GABPB2: variants seen among roughly 807,000 people sequenced by gnomAD.
GABPB2 encodes GA-binding protein subunit beta-2.
In GABPB2, 23 loss-of-function variants were observed where a neutral mutation model predicts 39.1. That is an observed-to-expected ratio of 0.59 (90% CI 0.42 to 0.83). The LOEUF is 0.83. Ranked by LOEUF, GABPB2 falls within the 40% of genes least tolerant of loss-of-function variation. The probability of loss-of-function intolerance (pLI) is 0.00; values close to 1 mark genes in which losing one functional copy is unlikely to be tolerated. For synonymous variants in GABPB2, 184 were observed against 199.3 expected, an observed-to-expected ratio of 0.92 and a Z score of 0.65; for missense variants, 467 against 541.1, an observed-to-expected ratio of 0.86 and a Z score of 1.36.
At chr1:151,109,651 AC>A (rs1680253561) in intron 7 of GABPB2, among the ~76,000 whole-genome samples, 1 of 150,232 alleles carries the variant, frequency 6.7e-6, no homozygotes. Flanking sequence ...GAGCCACCAC[AC>A]CCGGCCTATA....
intron 4 of GABPB2, among the ~76,000 whole-genome samples, chr1:151,097,579 C>T (rs114434942): frequency 6.6e-6 from 1 of 151,972 alleles, no homozygotes; most frequent in African/African-American, 2.4e-5. Flanking sequence ...CCCACAAGTT[C>T]TAGACCAACT....
At position 151,118,071 on chromosome 1, in the gene GABPB2, AAGCTGGAGGCCAT is replaced by A; in HGVS notation, c.1166_1178del (p.Leu389ProfsTer19). ...GCAGGAAGCAGAACAGTACCGTCTT[AAGCTGGAGGCCAT>A]AGCCCGACAGCAGCCCAATGGAGTT... On this transcript the variant is annotated frameshift_variant, in exon 9 of 9. Transcript: ENST00000368918. LOFTEE classifies it low-confidence loss of function (END_TRUNC). The A allele has an allele frequency of 6.2e-7, 1 of 1,614,200 alleles. No homozygotes were observed. The highest frequency in any genetic ancestry group is 8.5e-7 in the Non-Finnish European group (1 of 1,180,042).
At chr1:151,086,646 T>C (rs1558132847) in intron 1 of GABPB2, among the ~76,000 whole-genome samples, 1 of 150,160 alleles carries the variant, frequency 6.7e-6, no homozygotes, top group Non-Finnish European at 1.5e-5. Flanking sequence ...AGATCAGTGT[T>C]TAATCAGTGA....
intron 6 of GABPB2, among the ~76,000 whole-genome samples, chr1:151,104,280 G>A (rs922639211): frequency 2.0e-5 from 3 of 152,164 alleles, no homozygotes; most frequent in Non-Finnish European, 4.4e-5. Flanking sequence ...ATAGGCAGGG[G>A]CATATAGTCA....
In GABPB2 at chr1:151,113,794, A is replaced by C. The variant is rs988137356; in HGVS notation, c.923-3598A>C. On this transcript the variant is annotated intron_variant, in intron 7 of 8. Coordinates refer to ENST00000368918, the MANE Select transcript of GABPB2 (RefSeq NM_144618.3). ...TGGCCTCCCAAAGTGCTGGGATTAC[A>C]GGCATGAGCCACCGTGCCCATCCTC... Among the ~76,000 whole-genome samples the C allele has an allele frequency of 2.6e-5, 4 of 152,288 alleles. No homozygotes were observed. The East Asian group carries it at 7.7e-4, about 29-fold the overall frequency.
intron 7 of GABPB2, among the ~76,000 whole-genome samples, chr1:151,113,305 A>G (rs1207465838): frequency 6.6e-6 from 1 of 151,834 alleles, no homozygotes; most frequent in Non-Finnish European, 1.5e-5. Flanking sequence ...TGTCTCTACT[A>G]AAAATACAAA....
intron 4 of GABPB2, among the ~76,000 whole-genome samples, chr1:151,096,994 C>G (rs1035240896): frequency 6.6e-6 from 1 of 152,128 alleles, no homozygotes; most frequent in Non-Finnish European, 1.5e-5. Flanking sequence ...TTACCGCAAT[C>G]TTGGCCTCCT....
chr1:151,109,931 C>A (rs965680960), intron 7 of GABPB2, among the ~76,000 whole-genome samples: 10 of 148,288 alleles, frequency 6.7e-5, no homozygotes, highest in African/African-American at 2.0e-4. Context: ...CTCCGCCTTC[C>A]GGGTTCAAGT....
intron 1 of GABPB2, among the ~76,000 whole-genome samples, chr1:151,075,733 C>CA (rs1386315950): frequency 1.3e-5 from 2 of 151,500 alleles, no homozygotes; most frequent in Admixed American, 6.6e-5. Flanking sequence ...CAAAAAAACC[C>CA]AAAAAAACAC....
chr1:151,099,337 A>G (rs1679343632), intron 5 of GABPB2, among the ~76,000 whole-genome samples: 2 of 151,876 alleles, frequency 1.3e-5, no homozygotes, highest in East Asian at 3.9e-4. Flanking sequence ...AGCTGGGACT[A>G]CAGGCATGTG....
Position 151,124,074 on chromosome 1 carries a change from C to A in GABPB2, c.*5818C>A. ...AGAAAAAAAAAAAAAAAAAAGAGGC[C>A]GGGCGCGGTGGCTCACAAAAAAAAA... is the stretch of plus-strand genomic sequence containing the variant. On this transcript the variant is annotated 3_prime_UTR_variant, in exon 9 of 9. Coordinates refer to ENST00000368918, the MANE Select transcript of GABPB2 (RefSeq NM_144618.3). The A allele has an allele frequency of 9.1e-6, 1 of 109,334 alleles. No individual in the cohort carries two copies. Among genetic ancestry groups the A allele is most frequent in the African/African-American group, 3.3e-5 (1 of 30,036 alleles). The allele number at this position is 109,334 out of a possible 1,614,324, so 6.8% of individuals were successfully genotyped here.
rs766825782 is a variant in GABPB2, at chr1:151,117,993, C to T, written c.1084C>T (p.Gln362Ter). The change falls in exon 9 of 9, where the codon CAG becomes TAG. Residue 362 changes from glutamine to a stop codon, truncating the protein, a stop_gained. Coordinates refer to ENST00000368918, the MANE Select transcript of GABPB2 (RefSeq NM_144618.3). LOFTEE classifies it high-confidence loss of function. The part of the protein sequence containing the change: ...NERELLQQQL[Q>*]EANRRAQEYR... ...AAGAGAGCTACTACAGCAACAACTC[C>T]AGGAGGCCAATCGAAGAGCCCAGGA... The T allele has an allele frequency of 6.2e-7, 1 of 1,613,918 alleles. No homozygotes were observed. Among genetic ancestry groups the T allele is most frequent in the Non-Finnish European group, 8.5e-7 (1 of 1,179,886 alleles).
At chr1:151,071,491 C>T (rs1676717619) in intron 1 of GABPB2, among the ~76,000 whole-genome samples, 1 of 124,082 alleles carries the variant, frequency 8.1e-6, no homozygotes, top group Non-Finnish European at 1.6e-5. Flanking sequence ...CTTGCTCTGT[C>T]ACCCAGGCTG....
intron 7 of GABPB2, among the ~76,000 whole-genome samples, chr1:151,109,143 A>G (rs1680188397): frequency 6.6e-6 from 1 of 151,976 alleles, no homozygotes; most frequent in Non-Finnish European, 1.5e-5. Context: ...GTATGCTACC[A>G]TAATCATGCC....
intron 1 of GABPB2, among the ~76,000 whole-genome samples, chr1:151,071,549 A>G (rs1419069250): frequency 7.1e-6 from 1 of 140,966 alleles, no homozygotes; most frequent in African/African-American, 2.7e-5. Flanking sequence ...AGCTCACTGC[A>G]ACCTCCGCTT....
intron 1 of GABPB2, among the ~76,000 whole-genome samples, chr1:151,084,893 T>C (rs2101467298): frequency 6.6e-6 from 1 of 152,072 alleles, no homozygotes; most frequent in Non-Finnish European, 1.5e-5. Context: ...CTATTCATCA[T>C]TCCTTCATAT....
chr1:151,083,670 T>C (rs1677914482), intron 1 of GABPB2, among the ~76,000 whole-genome samples: 1 of 151,164 alleles, frequency 6.6e-6, no homozygotes, highest in Non-Finnish European at 1.5e-5. Flanking sequence ...TATATATATA[T>C]GTATATATAC....
chr1:151,080,155 C>A (rs1401889389), intron 1 of GABPB2, among the ~76,000 whole-genome samples: 1 of 137,666 alleles, frequency 7.3e-6, no homozygotes, highest in African/African-American at 2.6e-5. Context: ...GCAGAGGTTG[C>A]GGTGAGCCAA....
intron 1 of GABPB2, among the ~76,000 whole-genome samples, chr1:151,081,576 A>G (rs926714170): frequency 6.6e-6 from 1 of 152,046 alleles, no homozygotes; most frequent in African/African-American, 2.4e-5. Flanking sequence ...ATTGTTTTAT[A>G]TATTTTTTCA....
Sources: allele counts gnomAD v4.1 joint callset (sites outside exome capture counted in the v4.1 genomes callset), GRCh38; gene constraint gnomAD v4.1.1; transcripts MANE v1.5; gene names NCBI Gene and HGNC (gene_info 2026-07-23, HGNC 2026-07-21).